Variants in RPL6 observed in about 807,000 individuals in gnomAD.
The protein encoded by RPL6 is ribosomal protein L6, also known as large ribosomal subunit protein eL6.
In RPL6, 1 loss-of-function variant was observed where a neutral mutation model predicts 32.1. The ratio of observed to expected loss-of-function variants is 0.03; its 90% CI spans 0.01 to 0.15. The LOEUF (loss-of-function observed/expected upper bound fraction) is 0.15, where lower values mean the gene tolerates loss of function less well. Ranked by LOEUF, RPL6 falls within the 10% of genes least tolerant of loss-of-function variation. The pLI, the probability that RPL6 is intolerant of heterozygous loss-of-function variation, is 1.00. For missense variants in RPL6, 275 were observed against 354.6 expected, an observed-to-expected ratio of 0.78 and a Z score of 1.80; for synonymous variants, 126 against 131.6, an observed-to-expected ratio of 0.96 and a Z score of 0.29.
At chr12:112,413,364 G>A (rs547928754), upstream of RPL6, among the ~76,000 whole-genome samples, 13 of 151,966 alleles carry the variant, frequency 8.6e-5, no homozygotes, top group Middle Eastern at 3.4e-3. Flanking sequence ...GCGAAACCCC[G>A]TCTCTACTAA....
chr12:112,409,443 A>AAATGCCCAGCTGCCC (rs2037292536), intron 1 of RPL6, 144 bp downstream of exon 1: 2 of 398,518 alleles, frequency 5.0e-6, no homozygotes, highest in Non-Finnish European at 8.8e-6. Context: ...CCCAAACAAC[A>AAATGCCCAGCTGCCC]AAAATGAAGC....
At chr12:112,406,236 C>T (rs2037164018) in intron 5 of RPL6, 58 bp downstream of exon 5, 3 of 1,477,596 alleles carry the variant, frequency 2.0e-6, no homozygotes, top group Non-Finnish European at 2.8e-6. Context: ...AACGTGTATA[C>T]TGCAAGCATT....
chr12:112,411,772 T>A (rs2037343597), upstream of RPL6, among the ~76,000 whole-genome samples: 1 of 152,214 alleles, frequency 6.6e-6, no homozygotes. Flanking sequence ...AATACCATGT[T>A]AGTTATAAAG....
At chr12:112,413,584 TTTTTG>T (rs751170807), upstream of RPL6, among the ~76,000 whole-genome samples, 96 of 152,082 alleles carry the variant, frequency 6.3e-4, no homozygotes, top group Middle Eastern at 6.8e-3. Context: ...GATTGAGGTT[TTTTTG>T]TTTTGTTTTG....
rs1445052750 is a variant in RPL6 at position 112,408,265 on chromosome 12, G to A, written c.311C>T (p.Thr104Ile). 5 of 1,613,962 alleles carry A rather than the reference G, an allele frequency of 3.1e-6. No individual in the cohort carries two copies. The Admixed American group carries it at 5.0e-5, about 16-fold the overall frequency. Residue 104 changes from threonine (T) to isoleucine (I), a missense_variant, in exon 3 of 7, where the codon ACC (threonine) becomes ATC (isoleucine). Transcript: ENST00000202773. ...CATTTTGCGAAGTTTAACCACCCGGGTACCGCCGTTCTTGTCACCACCAAC... is the reference window on the plus strand; with the variant it reads ...CATTTTGCGAAGTTTAACCACCCGGATACCGCCGTTCTTGTCACCACCAAC... ...KPVGGDKNGG[T>I]RVVKLRKMPR...
chr12:112,409,348 C>T, intron 1 of RPL6: 1 of 396,098 alleles, frequency 2.5e-6, no homozygotes, highest in Non-Finnish European at 4.4e-6. Flanking sequence ...GAAAGGGCCT[C>T]GTTCCCCCAG....
At chr12:112,417,560 CTTTTTTTT>C (rs1209085428) in intron 1 of RPL6, among the ~76,000 whole-genome samples, 43 of 75,078 alleles carry the variant, frequency 5.7e-4, no homozygotes, top group African/African-American at 1.6e-3. Context: ...CCCGGCCCGG[CTTTTTTTT>C]TTTTTTTTTT....
At chr12:112,406,223 AC>A in intron 5 of RPL6, 70 bp downstream of exon 5, 1 of 1,399,194 alleles carries the variant, frequency 7.1e-7, no homozygotes, top group East Asian at 2.3e-5. Context: ...GCAGTAGCAA[AC>A]AAACGTGTAT....
At chr12:112,406,405 A>C in intron 4 of RPL6, 63 bp from the exon 5 acceptor site, 2 of 1,410,100 alleles carry the variant, frequency 1.4e-6, no homozygotes, top group Non-Finnish European at 2.0e-6. Context: ...GAATTCATAA[A>C]ATCACAGGCA....
upstream of RPL6, chr12:112,410,552 CTCTTTTTTTTTTTTTTTTTTT>C (rs2037325524): frequency 1.7e-5 from 1 of 60,114 alleles, no homozygotes; most frequent in Non-Finnish European, 3.7e-5. Context: ...TAAGTGTTAG[CTCTTTTTTTTTTTTTTTTTTT>C]TTTTTTTTTT....
chr12:112,408,067 A>T, intron 3 of RPL6, 173 bp downstream of exon 3: 1 of 607,878 alleles, frequency 1.6e-6, no homozygotes, highest in African/African-American at 1.9e-5. Flanking sequence ...CGAGTAATTT[A>T]AATTACTTAA....
upstream of RPL6, among the ~76,000 whole-genome samples, chr12:112,412,091 G>A (rs2037347351): frequency 6.6e-6 from 1 of 151,468 alleles, no homozygotes; most frequent in African/African-American, 2.4e-5. Flanking sequence ...CCAGGCTGGA[G>A]CGCGGTGGCA....
chr12:112,408,166 T>C (rs1425943947), intron 3 of RPL6, 74 bp downstream of exon 3: 3 of 1,106,722 alleles, frequency 2.7e-6, no homozygotes, highest in Admixed American at 4.0e-5. Context: ...ACTTACAGTA[T>C]CTAAGTATTC....
At chr12:112,410,001 CA>C (rs1566145753), upstream of RPL6, among the ~76,000 whole-genome samples, 1 of 89,236 alleles carries the variant, frequency 1.1e-5, no homozygotes, top group Non-Finnish European at 2.2e-5. Flanking sequence ...GCAAGATTCT[CA>C]AAAAAGAAAA....
At chr12:112,418,126 C>G (rs1034455052) in intron 1 of RPL6, among the ~76,000 whole-genome samples, 1 of 152,052 alleles carries the variant, frequency 6.6e-6, no homozygotes. Context: ...ACTACAGGCG[C>G]CCCCCACCAC....
upstream of RPL6, chr12:112,411,443 C>T (rs1276704659): frequency 6.6e-6 from 1 of 152,212 alleles, no homozygotes; most frequent in Non-Finnish European, 1.5e-5. Flanking sequence ...TTCTGATTCA[C>T]TGAGGATACA....
chr12:112,410,595 A>C (rs543579832), upstream of RPL6, among the ~76,000 whole-genome samples: 1 of 35,224 alleles, frequency 2.8e-5, no homozygotes, highest in African/African-American at 8.9e-5. Flanking sequence ...TTTTTTTGAG[A>C]TGGAGTCTCG....
chr12:112,405,689 T>C, intron 6 of RPL6, 164 bp downstream of exon 6: 1 of 669,624 alleles, frequency 1.5e-6, no homozygotes, highest in Non-Finnish European at 2.5e-6. Flanking sequence ...GCTCCCAGAC[T>C]GCCAAAAGAA....
At chr12:112,406,518 A>G (rs2037173305) in intron 4 of RPL6, 176 bp from the exon 5 acceptor site, 1 of 796,580 alleles carries the variant, frequency 1.3e-6, no homozygotes, top group Non-Finnish European at 2.0e-6. Flanking sequence ...AGACATAAAC[A>G]CGTTTTTGAG....
Sources: allele counts gnomAD v4.1 joint callset (sites outside exome capture counted in the v4.1 genomes callset), GRCh38; gene constraint gnomAD v4.1.1; transcripts MANE v1.5; gene names NCBI Gene and HGNC (gene_info 2026-07-23, HGNC 2026-07-21).